TCEA1: variants seen among roughly 807,000 people sequenced by gnomAD.
TCEA1 encodes transcription elongation factor A1, also known as transcription elongation factor A protein 1.
A neutral mutation model predicts 43.8 loss-of-function variants in TCEA1; 21 were observed. The ratio of observed to expected loss-of-function variants is 0.48; its 90% CI spans 0.34 to 0.69. The LOEUF is 0.69. Ranked by LOEUF, TCEA1 falls within the 30% of genes least tolerant of loss-of-function variation. The pLI is 0.01. For synonymous variants in TCEA1, 104 were observed against 117.5 expected (o/e 0.88, Z 0.75); for missense variants, 250 against 365.1 (o/e 0.68, Z 2.57).
intron 4 of TCEA1, among the ~76,000 whole-genome samples, chr8:53,990,090 T>C (rs912246008): frequency 1.3e-5 from 2 of 152,062 alleles, no homozygotes; most frequent in South Asian, 2.1e-4. Flanking sequence ...TCCTAGCTAC[T>C]TGGGGGCTGA....
chr8:53,982,670 T>C (rs1190069919), intron 7 of TCEA1, among the ~76,000 whole-genome samples: 1 of 137,342 alleles, frequency 7.3e-6, no homozygotes, highest in Non-Finnish European at 1.6e-5. Context: ...GGAAAAAGCA[T>C]GAGAAGGAAG....
At chr8:53,997,421 G>T (rs759862749) in intron 3 of TCEA1, among the ~76,000 whole-genome samples, 4 of 151,982 alleles carry the variant, frequency 2.6e-5, no homozygotes, top group Non-Finnish European at 2.9e-5. Context: ...AGCTACAAGA[G>T]GAAAAACAAT....
In TCEA1 at chr8:53,984,524, G is replaced by A. The variant is rs1206270685; in HGVS notation, c.524-7C>T. ...CTTATTTCTTGATATATAGGTACCAGGCCGTTAAGGAAAAAAGGCAAAATT... is the reference window on the plus strand; with the variant it reads ...CTTATTTCTTGATATATAGGTACCAAGCCGTTAAGGAAAAAAGGCAAAATT... On this transcript the variant is annotated splice_region_variant and splice_polypyrimidine_tract_variant and intron_variant, in intron 6 of 9. Coordinates refer to ENST00000521604, the MANE Select transcript of TCEA1 (RefSeq NM_006756.4). 6.5e-7 allele frequency: 1 copy of A among 1,544,932 alleles called. No homozygotes were observed. The highest frequency in any genetic ancestry group is 2.3e-5 in the East Asian group (1 of 43,510).
At chr8:54,003,073 T>A (rs1456999306) in intron 2 of TCEA1, 1 of 456,220 alleles carries the variant, frequency 2.2e-6, no homozygotes, top group Non-Finnish European at 4.4e-6. Context: ...GCCAAGATGA[T>A]CTCAAGGTAG....
rs1804617841 is a variant in TCEA1, at chr8:54,010,509, T to G, written c.64-17A>C. 2.5e-6 allele frequency: 4 copies of G among 1,570,204 alleles called. No individual in the cohort carries two copies. The Admixed American group carries it at 5.7e-5, about 22-fold the overall frequency. ...TGCTCCAGCCTATAAAATAAAATAA[T>G]TTCATATTGAATTCCCAAGATGGTA... On this transcript the variant is annotated splice_polypyrimidine_tract_variant and intron_variant, in intron 1 of 9. Transcript: ENST00000521604.
chr8:53,990,682 C>T (rs1803848291), intron 4 of TCEA1, among the ~76,000 whole-genome samples: 1 of 152,142 alleles, frequency 6.6e-6, no homozygotes, highest in Non-Finnish European at 1.5e-5. Context: ...AGTTCTTAAA[C>T]ACTTTGATTA....
intron 1 of TCEA1, among the ~76,000 whole-genome samples, chr8:54,013,192 AG>A (rs1321013700): frequency 6.6e-6 from 1 of 152,222 alleles, no homozygotes; most frequent in Non-Finnish European, 1.5e-5. Context: ...TTGTTTTCCA[AG>A]TAGAGGCAAT....
At chr8:54,020,649 C>T (rs1804992744) in intron 1 of TCEA1, among the ~76,000 whole-genome samples, 1 of 152,196 alleles carries the variant, frequency 6.6e-6, no homozygotes, top group South Asian at 2.1e-4. Context: ...TAATCTCTCT[C>T]AGTGTCTTAA....
At chr8:53,984,332 T>C in intron 7 of TCEA1, 31 bp downstream of exon 7, 1 of 1,562,548 alleles carries the variant, frequency 6.4e-7, no homozygotes, top group Non-Finnish European at 8.6e-7. Context: ...CAGAATCACA[T>C]TATAGAAACC....
In TCEA1 at chr8:53,985,819, CCTAA is replaced by C. The variant is rs1188048768; in HGVS notation, c.523+1146_523+1149del. On this transcript the variant is annotated intron_variant, in intron 6 of 9. Coordinates refer to ENST00000521604, the MANE Select transcript of TCEA1 (RefSeq NM_006756.4). ...GTGACTGTGTGTGCTCTGAGGTCCC[CCTAA>C]CTGAGAAGTCTTCACATTTATATGT... Among the ~76,000 whole-genome samples, 4 of 152,190 alleles carry C rather than the reference CCTAA, an allele frequency of 2.6e-5. No homozygotes were observed. In the East Asian group the frequency reaches 5.8e-4, roughly 22 times the overall value.
At chr8:54,007,074 T>C (rs145362352) in intron 2 of TCEA1, among the ~76,000 whole-genome samples, 95 of 152,208 alleles carry the variant, frequency 6.2e-4, no homozygotes, top group African/African-American at 2.2e-3. Context: ...ACTCCTGAGC[T>C]CAAGTGATCC....
chr8:53,981,927 C>CTT (rs35034211), intron 7 of TCEA1, among the ~76,000 whole-genome samples: 50 of 128,156 alleles, frequency 3.9e-4, no homozygotes, highest in Admixed American at 1.5e-3. Context: ...GCTAAGTTTT[C>CTT]TTTTTTTTTT....
intron 8 of TCEA1, among the ~76,000 whole-genome samples, chr8:53,975,177 G>A (rs1179410038): frequency 6.6e-6 from 1 of 152,006 alleles, no homozygotes; most frequent in Non-Finnish European, 1.5e-5. Flanking sequence ...TTACATTATG[G>A]TAGCTAAGTT....
intron 3 of TCEA1, among the ~76,000 whole-genome samples, chr8:53,995,339 G>C (rs1297217392): frequency 6.7e-6 from 1 of 149,186 alleles, no homozygotes; most frequent in East Asian, 2.0e-4. Flanking sequence ...CATGCCTGTA[G>C]TCCCAGCCAC....
At chr8:53,999,803 C>A (rs1028716895) in intron 3 of TCEA1, 142 bp downstream of exon 3, 2 of 621,894 alleles carry the variant, frequency 3.2e-6, no homozygotes, top group African/African-American at 1.9e-5. Context: ...ACTCCCCTCG[C>A]CTTTATTACG....
At chr8:53,987,409 C>G (rs1419273905) in intron 5 of TCEA1, among the ~76,000 whole-genome samples, 1 of 152,144 alleles carries the variant, frequency 6.6e-6, no homozygotes, top group African/African-American at 2.4e-5. Context: ...ATCTGCCAAT[C>G]ACATATACAG....
intron 1 of TCEA1, among the ~76,000 whole-genome samples, chr8:54,011,887 T>A (rs111921305): frequency 6.6e-6 from 1 of 152,178 alleles, no homozygotes; most frequent in African/African-American, 2.4e-5. Context: ...AAATAAAAAT[T>A]TAAGTTCAAC....
chr8:54,003,201 T>G, intron 2 of TCEA1: 1 of 379,282 alleles, frequency 2.6e-6, no homozygotes, highest in Non-Finnish European at 5.2e-6. Flanking sequence ...CTATAAAACA[T>G]TTTTGAAAGA....
At chr8:54,002,706 G>C (rs969224341) in intron 2 of TCEA1, among the ~76,000 whole-genome samples, 4 of 152,152 alleles carry the variant, frequency 2.6e-5, no homozygotes, top group African/African-American at 9.7e-5. Context: ...GTAATAGATA[G>C]GTTATACGAA....
Sources: gnomAD v4.1 joint callset for allele counts (sites outside exome capture counted in the v4.1 genomes callset) on GRCh38, gnomAD v4.1.1 for gene constraint, MANE v1.5 for transcripts, NCBI Gene and HGNC (gene_info 2026-07-23, HGNC 2026-07-21) for gene names.